The following TNFAIP8L3 variants were observed in gnomAD, a reference collection of about 807,000 sequenced individuals.
The protein encoded by TNFAIP8L3 is TNF alpha induced protein 8 like 3.
In TNFAIP8L3, 7 loss-of-function variants were observed where a neutral mutation model predicts 11.8. That is an observed-to-expected ratio of 0.59 (90% CI 0.34 to 1.11). TNFAIP8L3 has a LOEUF of 1.11. Ranked by LOEUF, TNFAIP8L3 falls within the 50% of genes most tolerant of loss-of-function variation. TNFAIP8L3 has a pLI of 0.03. For missense variants in TNFAIP8L3, 219 were observed against 258.6 expected (o/e 0.85, Z 1.05); for synonymous variants, 98 against 103.8 (o/e 0.94, Z 0.34).
At chr15:51,064,169 T>A (rs1163360944) in intron 1 of TNFAIP8L3, among the ~76,000 whole-genome samples, 1 of 152,196 alleles carries the variant, frequency 6.6e-6, no homozygotes, top group Non-Finnish European at 1.5e-5. Flanking sequence ...TAGATTTCCA[T>A]ACTCTACCCC....
intron 1 of TNFAIP8L3, among the ~76,000 whole-genome samples, chr15:51,074,457 G>C (rs1422067042): frequency 1.3e-5 from 2 of 152,216 alleles, no homozygotes; most frequent in African/African-American, 4.8e-5. Context: ...TTGGGGAAAA[G>C]GGTGCCTTTT....
intron 1 of TNFAIP8L3, among the ~76,000 whole-genome samples, chr15:51,065,840 T>C (rs1380668842): frequency 9.2e-5 from 14 of 152,186 alleles, no homozygotes; most frequent in African/African-American, 2.9e-4. Flanking sequence ...CTTGAGATAA[T>C]GGCAGGGAAG....
chr15:51,057,829 T>A lies in TNFAIP8L3; in HGVS notation c.*52A>T. ...ATGTTCTTGATTCTCACCCAGATCA[T>A]GGTTGAGTGCTGTAACTTTAAAGCA... On this transcript the variant is annotated 3_prime_UTR_variant, in exon 2 of 2. Transcript: ENST00000637513. The A allele has an allele frequency of 1.4e-6, 2 of 1,442,956 alleles. No homozygotes were observed. Among genetic ancestry groups the A allele is most frequent in the African/African-American group, 1.4e-5 (1 of 70,324 alleles). 89.4% of individuals were successfully genotyped at this position (1,442,956 alleles called of 1,614,324 possible).
At chr15:51,081,034 T>C (rs763514592) in intron 1 of TNFAIP8L3, among the ~76,000 whole-genome samples, 1 of 152,052 alleles carries the variant, frequency 6.6e-6, no homozygotes, top group Non-Finnish European at 1.5e-5. Flanking sequence ...TAAGGGCCTG[T>C]TTTTTTTCTC....
At chr15:51,066,364 T>C (rs2065272070) in intron 1 of TNFAIP8L3, among the ~76,000 whole-genome samples, 2 of 152,098 alleles carry the variant, frequency 1.3e-5, no homozygotes, top group Non-Finnish European at 2.9e-5. Context: ...GGTTTCAACA[T>C]GTTGGCCAGG....
At chr15:51,064,968 T>C (rs1285697738) in intron 1 of TNFAIP8L3, 2 of 152,248 alleles carry the variant, frequency 1.3e-5, no homozygotes, top group African/African-American at 4.8e-5. Context: ...CTTCTCCTTC[T>C]GTATACAAGT....
upstream of TNFAIP8L3, among the ~76,000 whole-genome samples, chr15:51,095,185 G>A (rs1400277891): frequency 2.0e-5 from 3 of 146,650 alleles, no homozygotes; most frequent in Non-Finnish European, 3.0e-5. Context: ...GACGAGACCT[G>A]TGTTTGTTTT....
intron 1 of TNFAIP8L3, among the ~76,000 whole-genome samples, chr15:51,103,766 T>G (rs2065570160): frequency 6.6e-6 from 1 of 152,250 alleles, no homozygotes; most frequent in Non-Finnish European, 1.5e-5. Flanking sequence ...GGAACTCGGT[T>G]CATCCTCCAC....
In TNFAIP8L3 at chr15:51,094,643, G is replaced by A; in HGVS notation, c.-48C>T. 7.2e-7 allele frequency: 1 copy of A among 1,390,938 alleles called. No homozygotes were observed. The highest frequency in any genetic ancestry group is 3.1e-5 in the East Asian group (1 of 32,584). 86.2% of individuals were successfully genotyped at this position (1,390,938 alleles called of 1,614,324 possible). A position where few individuals can be genotyped will look rare whatever the true frequency, so the allele number is the denominator to read the frequency against. On this transcript the variant is annotated 5_prime_UTR_variant, in exon 1 of 2. Transcript: ENST00000637513. The surrounding 1 kb of genome is among the most constrained non-coding windows in gnomAD (Gnocchi z 4.4). Reference sequence around the variant, plus strand: ...TCCACGGCCACCCGCCCGTCTGCGGGGCGCTCGGGCAGCCGCGGCGCACTC... The same window carrying A: ...TCCACGGCCACCCGCCCGTCTGCGGAGCGCTCGGGCAGCCGCGGCGCACTC...
chr15:51,058,174 A>G lies in TNFAIP8L3; in HGVS notation c.322T>C (p.Phe108Leu). The change falls in exon 2 of 2, where the codon TTC becomes CTC. Residue 108 changes from phenylalanine to leucine, a missense_variant. By Grantham distance (22) the Phe-to-Leu change is conservative. Transcript: ENST00000637513. The part of the protein sequence containing the change: ...SQEELVIVEK[F>L]RKKLNQTAMT... ...GCGGTCTGGTTCAGCTTCTTCCGGAACTTCTCCACAATAACCAGCTCCTCT... is the reference window on the plus strand; with the variant it reads ...GCGGTCTGGTTCAGCTTCTTCCGGAGCTTCTCCACAATAACCAGCTCCTCT... 1.2e-6 allele frequency: 2 copies of G among 1,614,150 alleles called. No homozygotes were observed. Among genetic ancestry groups the G allele is most frequent in the Admixed American group, 3.3e-5 (2 of 60,024 alleles).
At chr15:51,058,482 T>C (rs2065221488) in intron 1 of TNFAIP8L3, 39 bp from the exon 2 acceptor site, 1 of 1,424,042 alleles carries the variant, frequency 7.0e-7, no homozygotes. Flanking sequence ...TTTAGAAATA[T>C]AAGAACTGTC....
At chr15:51,060,327 A>C (rs2065234589) in intron 1 of TNFAIP8L3, among the ~76,000 whole-genome samples, 1 of 152,248 alleles carries the variant, frequency 6.6e-6, no homozygotes, top group African/African-American at 2.4e-5. Context: ...CCACAGATGA[A>C]GCTTAAAGAC....
chr15:51,078,473 G>A (rs912095476), intron 1 of TNFAIP8L3, among the ~76,000 whole-genome samples: 29 of 152,038 alleles, frequency 1.9e-4, no homozygotes, highest in African/African-American at 5.5e-4. Context: ...GCCTCCTCCA[G>A]GCCTCCTCCT....
chr15:51,082,589 C>G (rs1402395461), intron 1 of TNFAIP8L3, among the ~76,000 whole-genome samples: 1 of 152,156 alleles, frequency 6.6e-6, no homozygotes, highest in Non-Finnish European at 1.5e-5. Flanking sequence ...CTTACTGAAA[C>G]TTTTTTACTT....
chr15:51,084,437 C>T (rs1048360367), intron 1 of TNFAIP8L3, among the ~76,000 whole-genome samples: 3 of 152,180 alleles, frequency 2.0e-5, no homozygotes, highest in East Asian at 1.9e-4. Flanking sequence ...TTTCTGCCCC[C>T]GCCCTGGCCA....
intron 1 of TNFAIP8L3, among the ~76,000 whole-genome samples, chr15:51,082,716 AG>A (rs1297523877): frequency 6.6e-6 from 1 of 152,118 alleles, no homozygotes; most frequent in East Asian, 1.9e-4. Context: ...TTATTCTATA[AG>A]CTTTTTTCTA....
chr15:51,097,968 T>C (rs1362311395), upstream of TNFAIP8L3, among the ~76,000 whole-genome samples: 1 of 152,220 alleles, frequency 6.6e-6, no homozygotes, highest in Non-Finnish European at 1.5e-5. Context: ...GTCTGAGGGT[T>C]ATAAGCCACC....
At chr15:51,060,764 T>C (rs1309788975) in intron 1 of TNFAIP8L3, among the ~76,000 whole-genome samples, 1 of 152,232 alleles carries the variant, frequency 6.6e-6, no homozygotes, top group African/African-American at 2.4e-5. Flanking sequence ...TACCCTGCTG[T>C]TTGTACTGCC....
intron 1 of TNFAIP8L3, among the ~76,000 whole-genome samples, chr15:51,059,301 T>TA (rs980618288): frequency 1.3e-5 from 2 of 152,188 alleles, no homozygotes; most frequent in African/African-American, 2.4e-5. Flanking sequence ...AATATATGTT[T>TA]AAAAAAATCC....
Sources: gnomAD v4.1 joint callset for allele counts (sites outside exome capture counted in the v4.1 genomes callset) on GRCh38, gnomAD v4.1.1 for gene constraint, Gnocchi (gnomAD v3.1) non-coding constraint, MANE v1.5 for transcripts, NCBI Gene and HGNC (gene_info 2026-07-23, HGNC 2026-07-21) for gene names.